Variants in SYMPK observed in about 807,000 individuals in gnomAD.
The protein encoded by SYMPK is symplekin scaffold protein, also known as symplekin.
Under a neutral mutation model 136.4 loss-of-function variants are expected in SYMPK, and 49 were observed. The ratio of observed to expected loss-of-function variants is 0.36; its 90% CI spans 0.29 to 0.46. The LOEUF (loss-of-function observed/expected upper bound fraction) is 0.46. Ranked by LOEUF, SYMPK falls within the 20% of genes least tolerant of loss-of-function variation. The probability of loss-of-function intolerance (pLI) is 1.00; values close to 1 mark genes in which losing one functional copy is unlikely to be tolerated. For synonymous variants in SYMPK, 766 were observed against 713.0 expected, an observed-to-expected ratio of 1.07 and a Z score of -1.19; for missense variants, 1,365 against 1,690.0, an observed-to-expected ratio of 0.81 and a Z score of 3.37.
At chr19:45,817,133 T>G in intron 23 of SYMPK, 159 bp from the exon 24 acceptor site, 1 of 690,394 alleles carries the variant, frequency 1.4e-6, no homozygotes, top group Non-Finnish European at 2.3e-6. Flanking sequence ...CCAGAGGCCT[T>G]TGTCTTCCCG....
At position 45,823,753 on chromosome 19, in the gene SYMPK, G is replaced by A. The variant is rs367733653; in HGVS notation, c.2599+14C>T. ...GGGAGGAAAGCCATGAAAGGTGGGG[G>A]TCTCCAGGGTCACCTTTGTCTGTGA... On this transcript the variant is annotated intron_variant, in intron 19 of 26. Transcript: ENST00000245934. 4.6e-5 allele frequency: 74 copies of A among 1,604,510 alleles called. No individual in the cohort carries two copies. The African/African-American group carries it at 8.7e-4, about 19-fold the overall frequency.
chr19:45,843,747 T>C (rs2146331250), intron 8 of SYMPK, among the ~76,000 whole-genome samples: 1 of 151,432 alleles, frequency 6.6e-6, no homozygotes, highest in East Asian at 1.9e-4. Context: ...GAGATAGAGA[T>C]CATCCTGGCC....
chr19:45,830,519 C>T (rs1971143149), intron 12 of SYMPK: 1 of 316,368 alleles, frequency 3.2e-6, no homozygotes, highest in Non-Finnish European at 6.2e-6. Flanking sequence ...TGGGAACAGA[C>T]TTGTGGGCAC....
rs1371735370 is a variant in SYMPK at position 45,822,240 on chromosome 19, T to C, written c.2791+516A>G. 2.0e-5 allele frequency among the ~76,000 whole-genome samples: 3 copies of C among 148,762 alleles called. No individual in the cohort carries two copies. The East Asian group carries it at 6.1e-4, about 30-fold the overall frequency. Reference sequence around the variant, plus strand: ...TTCATGCCATTCTCCTGCCTCAGCCTCCCGAGTAGCTGGGACTACAGGCGC... The same window carrying C: ...TTCATGCCATTCTCCTGCCTCAGCCCCCCGAGTAGCTGGGACTACAGGCGC... On this transcript the variant is annotated intron_variant, in intron 21 of 26. Transcript: ENST00000245934.
rs1276624042 is a variant in SYMPK at position 45,818,011 on chromosome 19, G to C, written c.3029C>G (p.Pro1010Arg). The C allele has an allele frequency of 6.3e-7, 1 of 1,581,144 alleles. No individual in the cohort carries two copies. The highest frequency in any genetic ancestry group is 1.3e-5 in the African/African-American group (1 of 74,342). ...GTTCATGACGAAGCCCCCCAGGCGG[G>C]GGTACATGGTCAGGGACTGGATGAC... is the stretch of plus-strand genomic sequence containing the variant. ...RTVIQSLTMYPRLGGFVMNIL... is the reference protein window; with the variant it reads ...RTVIQSLTMYRRLGGFVMNIL... Residue 1010 changes from proline (P) to arginine (R), a missense_variant, in exon 23 of 27, where the codon CCC becomes CGC. Physicochemically the swap from Pro to Arg is moderately radical, Grantham distance 103. Coordinates refer to ENST00000245934, the MANE Select transcript of SYMPK (RefSeq NM_004819.3).
At position 45,848,807 on chromosome 19, in the gene SYMPK, C is replaced by T; in HGVS notation, c.369G>A (p.Val123=). 1 of 1,614,056 alleles carries T rather than the reference C, an allele frequency of 6.2e-7. No homozygotes were observed. The highest frequency in any genetic ancestry group is 8.5e-7 in the Non-Finnish European group (1 of 1,180,040). ...TGAGGATAGCCTTCTTCACCACGTTCACATTCTCGTCCCTCAAGAGCATGT... is the reference window on the plus strand; with the variant it reads ...TGAGGATAGCCTTCTTCACCACGTTTACATTCTCGTCCCTCAAGAGCATGT... The part of the protein sequence containing the change: ...NLNMLLRDEN[V]NVVKKAILTM... The change falls in exon 6 of 27, where the codon GTG becomes GTA. Residue 123 remains valine, a synonymous_variant. Coordinates refer to ENST00000245934, the MANE Select transcript of SYMPK (RefSeq NM_004819.3).
chr19:45,821,422 ATGT>A lies in SYMPK; in HGVS notation c.2852_2854del (p.Asn951del). 1 of 1,614,076 alleles carries A rather than the reference ATGT, an allele frequency of 6.2e-7. No homozygotes were observed. Among genetic ancestry groups the A allele is most frequent in the Non-Finnish European group, 8.5e-7 (1 of 1,180,010 alleles). On this transcript the variant is annotated inframe_deletion, in exon 22 of 27. Coordinates refer to ENST00000245934, the MANE Select transcript of SYMPK (RefSeq NM_004819.3). The surrounding 1 kb of genome is among the most constrained non-coding windows in gnomAD (Gnocchi z 4.4). ...TTTCATGTCGCACTTCACGGAGTCA[ATGT>A]TGTGTAATGCGATCAGGAGCTCTCC... is the stretch of plus-strand genomic sequence containing the variant.
intron 7 of SYMPK, among the ~76,000 whole-genome samples, chr19:45,847,194 G>A (rs1471296580): frequency 2.6e-5 from 4 of 151,986 alleles, no homozygotes; most frequent in East Asian, 2.0e-4. Flanking sequence ...CAAGGCGGGC[G>A]GATCACAAGG....
In SYMPK at chr19:45,854,524, A is replaced by C; in HGVS notation, c.-12-17T>G. 2 of 1,603,036 alleles carry C rather than the reference A, an allele frequency of 1.2e-6. No individual in the cohort carries two copies. The highest frequency in any genetic ancestry group is 1.7e-6 in the Non-Finnish European group (2 of 1,171,840). ...TGCTGTCAGCTTGTCCCCAGGAAAG[A>C]AGAGGATGGATCAAGCTCAGGGAAC... On this transcript the variant is annotated splice_polypyrimidine_tract_variant and intron_variant, in intron 1 of 26. Coordinates refer to ENST00000245934, the MANE Select transcript of SYMPK (RefSeq NM_004819.3).
chr19:45,822,662 CCT>C, intron 21 of SYMPK, 92 bp downstream of exon 21: 3 of 1,004,856 alleles, frequency 3.0e-6, no homozygotes, highest in Non-Finnish European at 4.6e-6. Flanking sequence ...CAGGATGTGC[CCT>C]CTCTCCCTGA....
chr19:45,829,925 C>T, intron 13 of SYMPK, 129 bp downstream of exon 13: 5 of 1,069,872 alleles, frequency 4.7e-6, no homozygotes, highest in African/African-American at 1.6e-5. Context: ...GGAGAAGCGG[C>T]TGTGGGCAGC....
At position 45,816,577 on chromosome 19, in the gene SYMPK, G is replaced by A; in HGVS notation, c.3259C>T (p.Gln1087Ter). 6.2e-7 allele frequency: 1 copy of A among 1,613,618 alleles called. No homozygotes were observed. Reference sequence around the variant, plus strand: ...ATGATGGAGTTAGGGATGTGAGCTTGCTGGGTGGAGAGCAGGAAGGGGGCG... The same window carrying A: ...ATGATGGAGTTAGGGATGTGAGCTTACTGGGTGGAGAGCAGGAAGGGGGCG... ...AHVRSFTPHQ[Q>*]AHIPNSIMTI... The change falls in exon 25 of 27, where the codon CAA (glutamine) becomes TAA (stop). Residue 1087 changes from glutamine to a stop codon, truncating the protein, a stop_gained and splice_region_variant. Transcript: ENST00000245934. LOFTEE classifies it high-confidence loss of function.
chr19:45,851,741 G>GC (rs1971700251), intron 5 of SYMPK, among the ~76,000 whole-genome samples: 1 of 152,100 alleles, frequency 6.6e-6, no homozygotes, highest in African/African-American at 2.4e-5. Flanking sequence ...GGATGTGGTG[G>GC]CGCATGCCTG....
Position 45,823,890 on chromosome 19 carries a change from A to G in SYMPK, c.2491-15T>C, listed in dbSNP as rs1303146798. ...ATTCCTCGGATCTAGAGGCAGAGACAGGGATGACCAGACCCAGGGTGAGAG... is the reference window on the plus strand; with the variant it reads ...ATTCCTCGGATCTAGAGGCAGAGACGGGGATGACCAGACCCAGGGTGAGAG... On this transcript the variant is annotated splice_polypyrimidine_tract_variant and intron_variant, in intron 18 of 26. Transcript: ENST00000245934. 6.2e-7 allele frequency: 1 copy of G among 1,607,140 alleles called. No homozygotes were observed. Among genetic ancestry groups the G allele is most frequent in the South Asian group, 1.1e-5 (1 of 90,692 alleles).
Position 45,817,025 on chromosome 19 carries a change from C to T in SYMPK, c.3082-51G>A, listed in dbSNP as rs758787462. The T allele has an allele frequency of 4.0e-5, 60 of 1,517,282 alleles. No individual in the cohort carries two copies. In the East Asian group the frequency reaches 9.9e-4, roughly 25 times the overall value. The allele number at this position is 1,517,282 out of a possible 1,614,324, so 94.0% of individuals were successfully genotyped here. ...CGGGAGAGGCACACAGGCATCCCCC[C>T]GAGCCTTGACACTGGGAGAAAGACC... On this transcript the variant is annotated intron_variant, in intron 23 of 26. Transcript: ENST00000245934.
At chr19:45,851,951 AAAAG>A (rs1337336828) in intron 5 of SYMPK, among the ~76,000 whole-genome samples, 1 of 152,262 alleles carries the variant, frequency 6.6e-6, no homozygotes, top group Non-Finnish European at 1.5e-5. Context: ...ACTAAAAAGA[AAAAG>A]AAGGGAGCCA....
Position 45,838,714 on chromosome 19 carries a change from C to T in SYMPK, c.1088-99G>A. The T allele has an allele frequency of 7.4e-7, 1 of 1,348,606 alleles. No individual in the cohort carries two copies. Among genetic ancestry groups the T allele is most frequent in the Non-Finnish European group, 1.0e-6 (1 of 1,001,644 alleles). 83.5% of individuals were successfully genotyped at this position (1,348,606 alleles called of 1,614,324 possible). On this transcript the variant is annotated intron_variant, in intron 9 of 26. Coordinates refer to ENST00000245934, the MANE Select transcript of SYMPK (RefSeq NM_004819.3). ...GGTGGTCCCTGCCTCTAGTCAGCCT[C>T]AGCAAACAGGAGCAAACAGCGGATG...
intron 11 of SYMPK, among the ~76,000 whole-genome samples, chr19:45,832,369 T>C (rs898321317): frequency 2.0e-5 from 3 of 151,788 alleles, no homozygotes; most frequent in Non-Finnish European, 4.4e-5. Context: ...CTTGAACTGC[T>C]GACCTCAGGT....
At chr19:45,818,173 T>TC (rs1186412135) in intron 22 of SYMPK, 27 bp from the exon 23 acceptor site, 10 of 1,512,386 alleles carry the variant, frequency 6.6e-6, no homozygotes, top group Non-Finnish European at 8.9e-6. Flanking sequence ...AGTGGGCCTG[T>TC]CCTCTCTGCC....
Sources: gnomAD v4.1 joint callset for allele counts (sites outside exome capture counted in the v4.1 genomes callset) on GRCh38, gnomAD v4.1.1 for gene constraint, Gnocchi (gnomAD v3.1) non-coding constraint, MANE v1.5 for transcripts, NCBI Gene and HGNC (gene_info 2026-07-23, HGNC 2026-07-21) for gene names.